GRIN2A: variants seen among roughly 807,000 people sequenced by gnomAD.
GRIN2A encodes glutamate receptor ionotropic, NMDA 2A.
GRIN2A carries 22 observed loss-of-function variants against 113.4 expected under a neutral mutation model. That is an observed-to-expected ratio of 0.19 (90% confidence interval 0.14 to 0.28). The LOEUF (loss-of-function observed/expected upper bound fraction) is 0.28. GRIN2A is among the 10% of genes least tolerant of loss of function. The pLI is 1.00. For missense variants in GRIN2A, 1,502 were observed against 1,887.0 expected (o/e 0.80, Z 3.78); for synonymous variants, 827 against 738.4 (o/e 1.12, Z -1.94).
At chr16:9,895,536 A>T (rs557932573) in intron 3 of GRIN2A, among the ~76,000 whole-genome samples, 1 of 152,210 alleles carries the variant, frequency 6.6e-6, no homozygotes, top group African/African-American at 2.4e-5. Context: ...CAAGTTTGTA[A>T]GAGGCAGATG....
chr16:9,944,743 A>C (rs925908013), intron 2 of GRIN2A, among the ~76,000 whole-genome samples: 1 of 152,158 alleles, frequency 6.6e-6, no homozygotes, highest in Admixed American at 6.6e-5. Context: ...TTTGAGAAGG[A>C]AACTGGCACA....
intron 9 of GRIN2A, among the ~76,000 whole-genome samples, chr16:9,823,126 G>A (rs528565064): frequency 2.0e-4 from 31 of 152,296 alleles, no homozygotes; most frequent in Non-Finnish European, 1.3e-4. Flanking sequence ...ATAAAGGCCT[G>A]TAGTCCATGC....
At chr16:10,006,514 G>T (rs2046406998) in intron 2 of GRIN2A, among the ~76,000 whole-genome samples, 1 of 152,226 alleles carries the variant, frequency 6.6e-6, no homozygotes. Context: ...TACATAGTGG[G>T]TGTATATATT....
At chr16:9,920,813 A>C (rs758513181) in intron 3 of GRIN2A, among the ~76,000 whole-genome samples, 1 of 152,112 alleles carries the variant, frequency 6.6e-6, no homozygotes, top group Non-Finnish European at 1.5e-5. Flanking sequence ...TCGGCCTCCC[A>C]AACTTTTAAA....
chr16:10,007,877 G>T (rs183785866), intron 2 of GRIN2A, among the ~76,000 whole-genome samples: 2 of 152,234 alleles, frequency 1.3e-5, no homozygotes, highest in East Asian at 3.9e-4. Context: ...CTTTAGAATG[G>T]AAGGTCCTAA....
At chr16:10,156,871 G>T (rs1160606890) in intron 2 of GRIN2A, among the ~76,000 whole-genome samples, 1 of 152,196 alleles carries the variant, frequency 6.6e-6, no homozygotes, top group Non-Finnish European at 1.5e-5. Context: ...AAAGATGGAG[G>T]TGGGAGGAAG....
At chr16:9,978,902 A>G (rs1288688371) in intron 2 of GRIN2A, among the ~76,000 whole-genome samples, 1 of 152,230 alleles carries the variant, frequency 6.6e-6, no homozygotes, top group Admixed American at 6.5e-5. Context: ...TGGATGTGAC[A>G]GTAAATTCTG....
intron 10 of GRIN2A, among the ~76,000 whole-genome samples, chr16:9,812,537 C>A (rs1475035780): frequency 6.6e-6 from 1 of 152,036 alleles, no homozygotes; most frequent in Non-Finnish European, 1.5e-5. Flanking sequence ...ACTTGGGAGG[C>A]TGCAGCATGA....
At chr16:9,886,462 T>A (rs1007540735) in intron 4 of GRIN2A, among the ~76,000 whole-genome samples, 5 of 152,312 alleles carry the variant, frequency 3.3e-5, no homozygotes, top group Admixed American at 6.5e-5. Flanking sequence ...CATGGTGGGC[T>A]ACAGGGTGTA....
At chr16:10,048,551 C>A (rs1192151196) in intron 2 of GRIN2A, among the ~76,000 whole-genome samples, 1 of 152,218 alleles carries the variant, frequency 6.6e-6, no homozygotes, top group African/African-American at 2.4e-5. Flanking sequence ...CTTGAATTAA[C>A]ATTCAGGAAA....
rs776324005 is a variant in GRIN2A at position 9,849,806 on chromosome 16, G to A, written c.1278C>T (p.Thr426=). 4 of 1,613,882 alleles carry A rather than the reference G, an allele frequency of 2.5e-6. No individual in the cohort carries two copies. The highest frequency in any genetic ancestry group is 3.4e-6 in the Non-Finnish European group (4 of 1,179,972). The part of the protein sequence containing the change: ...FVIVEDIDPL[T]ETCVRNTVPC... ...GCACGGTGTTCCTCACACACGTCTC[G>A]GTCAGGGGGTCTATGTCTTCCACGA... The change falls in exon 5 of 13, where the codon ACC becomes ACT. Residue 426 remains threonine, a synonymous_variant. Transcript: ENST00000330684.
At chr16:9,941,527 T>G (rs1037909034) in intron 2 of GRIN2A, among the ~76,000 whole-genome samples, 1 of 152,210 alleles carries the variant, frequency 6.6e-6, no homozygotes, top group African/African-American at 2.4e-5. Flanking sequence ...CCCCCTGTCA[T>G]GCCAAACTTC....
At chr16:9,892,259 T>C (rs530146284) in intron 3 of GRIN2A, among the ~76,000 whole-genome samples, 3 of 151,800 alleles carry the variant, frequency 2.0e-5, no homozygotes, top group Admixed American at 6.6e-5. Flanking sequence ...AAAAAAACTA[T>C]GGGAAGACAT....
chr16:9,808,469 T>G (rs2042023515), intron 10 of GRIN2A, among the ~76,000 whole-genome samples: 1 of 151,884 alleles, frequency 6.6e-6, no homozygotes, highest in Non-Finnish European at 1.5e-5. Flanking sequence ...AACATGAGAG[T>G]GAAAGAGAGA....
At chr16:9,844,862 T>C (rs547923078) in intron 5 of GRIN2A, among the ~76,000 whole-genome samples, 8 of 152,308 alleles carry the variant, frequency 5.3e-5, no homozygotes, top group African/African-American at 1.9e-4. Flanking sequence ...CATGTCTTTA[T>C]CACCCAACTA....
intron 2 of GRIN2A, among the ~76,000 whole-genome samples, chr16:9,958,403 T>C (rs1350170017): frequency 6.6e-6 from 1 of 152,044 alleles, no homozygotes; most frequent in Non-Finnish European, 1.5e-5. Flanking sequence ...CTACTCCTCA[T>C]GCCCATCAAT....
rs367852218 is a variant in GRIN2A, at chr16:9,952,003, C to T, written c.415-13452G>A. On this transcript the variant is annotated intron_variant, in intron 2 of 12. Coordinates refer to ENST00000330684, the MANE Select transcript of GRIN2A (RefSeq NM_001134407.3). ...GTGACCTCCCAGCCCCCAACGATAC[C>T]GCTCACCCTTGGGTATTTCATATTT... Among the ~76,000 whole-genome samples the T allele has an allele frequency of 3.5e-4, 54 of 152,268 alleles. 1 individual carries two copies. In the South Asian group the frequency reaches 7.5e-3, roughly 21 times the overall value.
At chr16:10,009,420 T>C (rs2046462487) in intron 2 of GRIN2A, among the ~76,000 whole-genome samples, 2 of 152,148 alleles carry the variant, frequency 1.3e-5, no homozygotes, top group Admixed American at 6.5e-5. Flanking sequence ...ATTTTTTCAA[T>C]GCAAAAGTAG....
intron 11 of GRIN2A, among the ~76,000 whole-genome samples, chr16:9,792,991 T>G (rs994351461): frequency 2.0e-5 from 3 of 152,158 alleles, no homozygotes; most frequent in East Asian, 1.9e-4. Context: ...TTAGAAATGC[T>G]GGGTCTCAGG....
Sources: allele counts gnomAD v4.1 joint callset (sites outside exome capture counted in the v4.1 genomes callset), GRCh38; gene constraint gnomAD v4.1.1; transcripts MANE v1.5; gene names NCBI Gene and HGNC (gene_info 2026-07-23, HGNC 2026-07-21).